SLC39A12: variants seen among roughly 807,000 people sequenced by gnomAD.
SLC39A12 encodes solute carrier family 39 member 12.
In SLC39A12, 63 loss-of-function variants were observed where a neutral mutation model predicts 71.1. The observed-to-expected ratio is 0.89, with a 90% CI of 0.72 to 1.09. SLC39A12 has a LOEUF of 1.09. Among genes scored for constraint, SLC39A12 ranks in the 50% least tolerant of loss-of-function variants. The pLI, the probability that SLC39A12 is intolerant of heterozygous loss-of-function variation, is 0.00. For synonymous variants in SLC39A12, 351 were observed against 301.3 expected, an observed-to-expected ratio of 1.16 and a Z score of -1.71; for missense variants, 892 against 812.6, an observed-to-expected ratio of 1.10 and a Z score of -1.19.
At chr10:17,985,455 T>C (rs1270567194) in intron 6 of SLC39A12, among the ~76,000 whole-genome samples, 1 of 152,122 alleles carries the variant, frequency 6.6e-6, no homozygotes, top group Non-Finnish European at 1.5e-5. Flanking sequence ...GGATAGTTTT[T>C]TTTTTTCAAA....
Position 17,981,461 on chromosome 10 carries a change from G to C in SLC39A12, c.1074G>C (p.Lys358Asn). ...SCHLPKDQQA[K>N]LPPTTLEKYG... ...ACTTACCCAAGGACCAACAAGCAAA[G>C]CTGCCACCTACCACTCTGGAGAGTA... The change falls in exon 6 of 13, where the codon AAG becomes AAC. Residue 358 changes from lysine (K) to asparagine (N), a missense_variant. Coordinates refer to ENST00000377369, the MANE Select transcript of SLC39A12 (RefSeq NM_001145195.2). 6.2e-7 allele frequency: 1 copy of C among 1,613,314 alleles called. No homozygotes were observed. Among genetic ancestry groups the C allele is most frequent in the Non-Finnish European group, 8.5e-7 (1 of 1,179,580 alleles).
At chr10:17,968,017 G>A (rs1834877334) in intron 4 of SLC39A12, among the ~76,000 whole-genome samples, 2 of 150,544 alleles carry the variant, frequency 1.3e-5, no homozygotes, top group Admixed American at 1.3e-4. Flanking sequence ...CTTAAATGAG[G>A]TCCTCTTTCA....
At chr10:18,013,370 A>ATTC (rs1422429340) in intron 12 of SLC39A12, among the ~76,000 whole-genome samples, 2 of 148,164 alleles carry the variant, frequency 1.3e-5, no homozygotes, top group Non-Finnish European at 3.0e-5. Context: ...TATTATTATT[A>ATTC]TTATTATTAT....
At chr10:18,021,366 T>C (rs1159946352) in intron 12 of SLC39A12, among the ~76,000 whole-genome samples, 2 of 152,120 alleles carry the variant, frequency 1.3e-5, no homozygotes, top group African/African-American at 2.4e-5. Flanking sequence ...CATTATGTAA[T>C]GCCCTTTCTT....
chr10:17,961,946 A>C, intron 3 of SLC39A12, 84 bp downstream of exon 3: 1 of 1,355,098 alleles, frequency 7.4e-7, no homozygotes, highest in Non-Finnish European at 1.0e-6. Flanking sequence ...TATTTCTAAG[A>C]CATTCAAGGA....
intron 12 of SLC39A12, among the ~76,000 whole-genome samples, chr10:18,042,016 C>A (rs75133832): frequency 1.6e-4 from 24 of 151,598 alleles, no homozygotes; most frequent in African/African-American, 5.8e-4. Flanking sequence ...TCCCTCCTCC[C>A]ATAATATGTA....
At chr10:17,981,542 T>A in intron 6 of SLC39A12, 59 bp downstream of exon 6, 1 of 1,388,746 alleles carries the variant, frequency 7.2e-7, no homozygotes, top group Non-Finnish European at 9.9e-7. Context: ...ATAATAATAG[T>A]AAATGCAGGA....
rs992653705 is a variant in SLC39A12 at position 18,030,593 on chromosome 10, T to C, written c.1948-12112T>C. 8.4e-4 allele frequency among the ~76,000 whole-genome samples: 125 copies of C among 148,944 alleles called. 1 individual carries two copies. Among genetic ancestry groups the C allele is most frequent in the African/African-American group, 2.8e-3 (116 of 40,842 alleles). ...TGAAAACATAGAACCAGTACTGTGA[T>C]ATATTTTTATTTTATTTTATTTATT... On this transcript the variant is annotated intron_variant, in intron 12 of 12. Coordinates refer to ENST00000377369, the MANE Select transcript of SLC39A12 (RefSeq NM_001145195.2).
intron 10 of SLC39A12, among the ~76,000 whole-genome samples, chr10:17,999,648 T>C (rs1429916604): frequency 6.6e-6 from 1 of 152,204 alleles, no homozygotes; most frequent in East Asian, 1.9e-4. Flanking sequence ...AGATGATATA[T>C]ATTATGCAAT....
intron 8 of SLC39A12, 81 bp downstream of exon 8, chr10:17,991,384 A>T: frequency 8.3e-7 from 1 of 1,199,454 alleles, no homozygotes; most frequent in Non-Finnish European, 1.1e-6. Flanking sequence ...ACTTGTTCAA[A>T]AGTAATGAAG....
rs773975943 is a variant in SLC39A12, at chr10:18,003,283, AG to A, written c.1873del (p.Ala625LeufsTer29). On this transcript the variant is annotated frameshift_variant, in exon 12 of 13. Transcript: ENST00000377369. LOFTEE classifies it high-confidence loss of function. Reference sequence around the variant, plus strand: ...GATTATACATTGGCCTTTCCGTGTCAGCTGATCCATGTGTTCAAGACTGGAT... The same window carrying A: ...GATTATACATTGGCCTTTCCGTGTCACTGATCCATGTGTTCAAGACTGGAT... ...MGLYIGLSVS[A>X]DPCVQDWIFT... 4 of 1,614,020 alleles carry A rather than the reference AG, an allele frequency of 2.5e-6. No homozygotes were observed.
chr10:17,993,153 A>T, intron 8 of SLC39A12, 28 bp from the exon 9 acceptor site: 1 of 1,497,732 alleles, frequency 6.7e-7, no homozygotes, highest in Non-Finnish European at 9.1e-7. Flanking sequence ...TCTGGCTTCA[A>T]CACTAATTTT....
rs114367013 is a variant in SLC39A12, at chr10:17,963,782, G to A, written c.544-1701G>A. 5.1e-3 allele frequency among the ~76,000 whole-genome samples: 780 copies of A among 152,230 alleles called. 10 individuals are homozygous for A. The highest frequency in any genetic ancestry group is 0.018 in the African/African-American group (734 of 41,526). ...TCATTACTTGAATTTCCAGGTCTTG[G>A]TCTGCACGGGACCCAGCTTCCACAG... On this transcript the variant is annotated intron_variant, in intron 3 of 12. Coordinates refer to ENST00000377369, the MANE Select transcript of SLC39A12 (RefSeq NM_001145195.2).
intron 2 of SLC39A12, among the ~76,000 whole-genome samples, chr10:17,955,650 G>A (rs1399664558): frequency 6.6e-6 from 1 of 152,204 alleles, no homozygotes; most frequent in Non-Finnish European, 1.5e-5. Flanking sequence ...TGAAAAAAGA[G>A]GGAAGTAGGT....
chr10:17,992,105 A>C (rs1290031272), intron 8 of SLC39A12, among the ~76,000 whole-genome samples: 8 of 151,614 alleles, frequency 5.3e-5, no homozygotes, highest in Non-Finnish European at 7.4e-5. Flanking sequence ...AAAAAAAAAA[A>C]AAAACAAAAG....
At position 18,042,764 on chromosome 10, in the gene SLC39A12, C is replaced by T; in HGVS notation, c.2007C>T (p.Asn669=). The change falls in exon 13 of 13, where the codon AAC becomes AAT. Residue 669 remains asparagine (N), a synonymous_variant. Coordinates refer to ENST00000377369, the MANE Select transcript of SLC39A12 (RefSeq NM_001145195.2). ...CCTGGATGATGTTTCTCCTGCAAAACTTTGGATTGATCCTAGGTTGGCTTT... is the reference window on the plus strand; with the variant it reads ...CCTGGATGATGTTTCTCCTGCAAAATTTTGGATTGATCCTAGGTTGGCTTT... ...QRPWMMFLLQ[N]FGLILGWLSL... The T allele has an allele frequency of 6.2e-7, 1 of 1,613,496 alleles. No homozygotes were observed. The highest frequency in any genetic ancestry group is 8.5e-7 in the Non-Finnish European group (1 of 1,179,792).
intron 12 of SLC39A12, among the ~76,000 whole-genome samples, chr10:18,036,033 A>G (rs7092094): frequency 0.76 from 115,960 of 151,678 alleles, 45,136 homozygotes; most frequent in African/African-American, 0.91. Context: ...GTGCTGGGAG[A>G]ACCACTGCTC....
chr10:17,971,410 G>T (rs999863548), intron 4 of SLC39A12, among the ~76,000 whole-genome samples: 1 of 151,518 alleles, frequency 6.6e-6, no homozygotes, highest in Non-Finnish European at 1.5e-5. Context: ...AATAGAATTG[G>T]TATTAGTGCT....
intron 9 of SLC39A12, 144 bp downstream of exon 9, chr10:17,993,435 G>C (rs940132926): frequency 1.5e-6 from 1 of 648,118 alleles, no homozygotes; most frequent in Non-Finnish European, 2.6e-6. Flanking sequence ...ATACTGTTTA[G>C]AAAACTCTGC....
Sources: allele counts gnomAD v4.1 joint callset (sites outside exome capture counted in the v4.1 genomes callset), GRCh38; gene constraint gnomAD v4.1.1; transcripts MANE v1.5; gene names NCBI Gene and HGNC (gene_info 2026-07-23, HGNC 2026-07-21).